DDX1: variants seen among roughly 807,000 people sequenced by gnomAD.
DDX1 encodes the protein ATP-dependent RNA helicase DDX1.
A neutral mutation model predicts 108.7 loss-of-function variants in DDX1; 28 were observed. The observed-to-expected ratio is 0.26, with a 90% CI of 0.19 to 0.35. The LOEUF (loss-of-function observed/expected upper bound fraction) is 0.35, where lower values mean the gene tolerates loss of function less well. Ranked by LOEUF, DDX1 falls within the 10% of genes least tolerant of loss-of-function variation. DDX1 has a pLI of 1.00. For synonymous variants in DDX1, 295 were observed against 288.9 expected, an observed-to-expected ratio of 1.02 and a Z score of -0.21; for missense variants, 710 against 884.5, an observed-to-expected ratio of 0.80 and a Z score of 2.50.
chr2:15,602,772 G>A lies in DDX1; in HGVS notation c.391+141G>A, dbSNP rs41264159. On this transcript the variant is annotated intron_variant, in intron 7 of 25. Transcript: ENST00000233084. ...TGGAGGGCCCGGGCTGGAGGGCAGT[G>A]GTGCCATCTCGGCTCACTGCAACCT... The A allele has an allele frequency of 2.2e-3, 1,368 of 617,940 alleles. 3 individuals are homozygous for A. Among genetic ancestry groups the A allele is most frequent in the Non-Finnish European group, 3.4e-3 (1,188 of 352,992 alleles). The allele number at this position is 617,940 out of a possible 1,614,324, so 38.3% of individuals were successfully genotyped here. A position where few individuals can be genotyped will look rare whatever the true frequency, so the allele number is the denominator to read the frequency against.
intron 1 of DDX1, among the ~76,000 whole-genome samples, chr2:15,592,583 G>T (rs1665433377): frequency 6.6e-6 from 1 of 152,090 alleles, no homozygotes; most frequent in Non-Finnish European, 1.5e-5. Flanking sequence ...TTTATTTGCC[G>T]TCTGCTACCC....
At chr2:15,615,377 G>C (rs1191334894) in intron 14 of DDX1, among the ~76,000 whole-genome samples, 1 of 152,154 alleles carries the variant, frequency 6.6e-6, no homozygotes, top group East Asian at 1.9e-4. Flanking sequence ...AAATTCGGAA[G>C]GAGGAAACTC....
chr2:15,619,450 A>G (rs2148747119), intron 16 of DDX1, among the ~76,000 whole-genome samples: 1 of 152,138 alleles, frequency 6.6e-6, no homozygotes, highest in East Asian at 1.9e-4. Context: ...ACCCACCACC[A>G]CCACTGCAGC....
intron 16 of DDX1, among the ~76,000 whole-genome samples, chr2:15,619,838 T>C (rs1370521308): frequency 6.6e-6 from 1 of 152,218 alleles, no homozygotes; most frequent in Non-Finnish European, 1.5e-5. Context: ...ACTTCAGCTA[T>C]TGAAAAATTG....
chr2:15,595,607 G>A (rs1573035235), intron 3 of DDX1, 54 bp downstream of exon 3: 7 of 1,198,340 alleles, frequency 5.8e-6, no homozygotes, highest in Non-Finnish European at 8.7e-6. Flanking sequence ...TCTAAGAATT[G>A]CATAGGCTTA....
At chr2:15,621,251 A>T in intron 18 of DDX1, 135 bp downstream of exon 18, 1 of 653,074 alleles carries the variant, frequency 1.5e-6, no homozygotes, top group Non-Finnish European at 2.7e-6. Context: ...AAAATAATAA[A>T]AAAGAAATGG....
chr2:15,604,906 C>A (rs1018072391), intron 10 of DDX1, among the ~76,000 whole-genome samples: 1 of 151,998 alleles, frequency 6.6e-6, no homozygotes, highest in Non-Finnish European at 1.5e-5. Flanking sequence ...GGGTGGTAGG[C>A]CATGCAGATT....
chr2:15,614,593 T>C (rs1238831891), intron 14 of DDX1, among the ~76,000 whole-genome samples: 3 of 152,218 alleles, frequency 2.0e-5, no homozygotes, highest in Admixed American at 2.0e-4. Context: ...GCCTTTGCTG[T>C]AGGAGCGGGT....
intron 13 of DDX1, among the ~76,000 whole-genome samples, chr2:15,611,909 G>A (rs1384629182): frequency 9.6e-6 from 1 of 103,878 alleles, no homozygotes; most frequent in Non-Finnish European, 1.8e-5. Flanking sequence ...CTGGCCGGGC[G>A]GGGAGCTGAC....
intron 1 of DDX1, among the ~76,000 whole-genome samples, chr2:15,594,782 G>T (rs370180207): frequency 6.6e-6 from 1 of 152,210 alleles, no homozygotes; most frequent in Non-Finnish European, 1.5e-5. Flanking sequence ...CACGAGTCAT[G>T]AGAGGTAAAC....
chr2:15,604,877 G>A (rs1415903181), intron 10 of DDX1, among the ~76,000 whole-genome samples: 1 of 152,130 alleles, frequency 6.6e-6, no homozygotes, highest in African/African-American at 2.4e-5. Flanking sequence ...GGACATTTAG[G>A]TAGAGATCCA....
chr2:15,617,294 TG>T lies in DDX1; in HGVS notation c.1070del (p.Gly357GlufsTer3). On this transcript the variant is annotated frameshift_variant, in exon 15 of 26. Transcript: ENST00000233084. LOFTEE classifies it high-confidence loss of function. ...PGRLDDLVST[G>X]KLNLSQVRFL... ...GAAGACTAGATGACTTGGTGTCAAC[TG>T]GAAAGCTGAACTTATCTCAAGTTAG... 6.3e-7 allele frequency: 1 copy of T among 1,596,864 alleles called. No homozygotes were observed. Among genetic ancestry groups the T allele is most frequent in the Non-Finnish European group, 8.5e-7 (1 of 1,169,780 alleles).
At chr2:15,615,404 G>A in intron 14 of DDX1, among the ~76,000 whole-genome samples, 1 of 152,260 alleles carries the variant, frequency 6.6e-6, no homozygotes, top group East Asian at 1.9e-4. Context: ...TTAGAATACT[G>A]TACTAAACTG....
At chr2:15,611,714 ACGGGGCGAC>A (rs1665765544) in intron 13 of DDX1, among the ~76,000 whole-genome samples, 2 of 99,208 alleles carry the variant, frequency 2.0e-5, no homozygotes, top group Non-Finnish European at 3.9e-5. Context: ...TCCCTCCCGG[ACGGGGCGAC>A]TGGCCGGGCG....
rs530282165 is a variant in DDX1 at position 15,608,674 on chromosome 2, T to G, written c.956+1361T>G. Among the ~76,000 whole-genome samples, 515 of 146,938 alleles carry G rather than the reference T, an allele frequency of 3.5e-3. 10 individuals are homozygous for G. Among genetic ancestry groups the G allele is most frequent in the Admixed American group, 0.026 (387 of 14,758 alleles). On this transcript the variant is annotated intron_variant, in intron 13 of 25. Transcript: ENST00000233084. The stretch of plus-strand genomic sequence containing the variant: ...GTGTTTTTTTTTAGGTTTTTTTTTT[T>G]TTTTTTTTTTTATGAAGTCTCGCTA...
At chr2:15,612,047 G>C (rs1665775973) in intron 13 of DDX1, among the ~76,000 whole-genome samples, 1 of 131,112 alleles carries the variant, frequency 7.6e-6, no homozygotes, top group Admixed American at 7.3e-5. Flanking sequence ...GCTGGGTAGA[G>C]GCTCCCCTCT....
chr2:15,611,891 C>G (rs537332653), intron 13 of DDX1, among the ~76,000 whole-genome samples: 7 of 68,768 alleles, frequency 1.0e-4, no homozygotes, highest in African/African-American at 4.2e-4. Context: ...ACCTCCCGGA[C>G]GGGGCGGCTG....
intron 8 of DDX1, 52 bp downstream of exon 8, chr2:15,603,327 AT>A: frequency 8.2e-7 from 1 of 1,214,936 alleles, no homozygotes; most frequent in Non-Finnish European, 1.2e-6. Context: ...GGGGGATAAC[AT>A]TTTATTATTT....
intron 13 of DDX1, among the ~76,000 whole-genome samples, chr2:15,610,862 G>GT (rs35794915): frequency 0.015 from 2,215 of 149,806 alleles, 16 homozygotes; most frequent in Non-Finnish European, 0.023. Flanking sequence ...CCCCAGACTT[G>GT]TTTTTTTTTT....
Sources: allele counts gnomAD v4.1 joint callset (sites outside exome capture counted in the v4.1 genomes callset), GRCh38; gene constraint gnomAD v4.1.1; transcripts MANE v1.5; gene names NCBI Gene and HGNC (gene_info 2026-07-23, HGNC 2026-07-21).